LINGO2: variants seen among roughly 807,000 people sequenced by gnomAD.
LINGO2 encodes the protein leucine rich repeat and Ig domain containing 2.
LINGO2 carries 14 observed loss-of-function variants against 30.6 expected under a neutral mutation model. The ratio of observed to expected loss-of-function variants is 0.46; its 90% CI spans 0.30 to 0.72. The LOEUF (loss-of-function observed/expected upper bound fraction) is 0.72. LINGO2 is among the 30% of genes least tolerant of loss of function. The pLI is 0.07. For missense variants in LINGO2, 729 were observed against 751.7 expected (o/e 0.97, Z 0.35); for synonymous variants, 317 against 288.5 (o/e 1.10, Z -1.00).
intron 5 of LINGO2, among the ~76,000 whole-genome samples, chr9:27,984,104 C>T (rs1821013929): frequency 1.3e-5 from 2 of 151,816 alleles, no homozygotes; most frequent in Admixed American, 1.3e-4. Context: ...AACAGAAAAA[C>T]AAGATTTTAA....
At chr9:28,309,005 A>G (rs2134244242) in intron 3 of LINGO2, among the ~76,000 whole-genome samples, 1 of 152,224 alleles carries the variant, frequency 6.6e-6, no homozygotes, top group South Asian at 2.1e-4. Flanking sequence ...TAGTTCAACC[A>G]TTGTGGAAGT....
chr9:28,700,526 A>G, the LINGO2 span, among the ~76,000 whole-genome samples: 3 of 152,120 alleles, frequency 2.0e-5, no homozygotes, highest in South Asian at 6.2e-4. Flanking sequence ...TTAATTATCC[A>G]TCCATACACT....
chr9:28,131,093 T>C (rs890473914), intron 4 of LINGO2, among the ~76,000 whole-genome samples: 1 of 152,014 alleles, frequency 6.6e-6, no homozygotes, highest in African/African-American at 2.4e-5. Context: ...GTTTTTTCTC[T>C]GCTTTCAACT....
the LINGO2 span, among the ~76,000 whole-genome samples, chr9:29,162,817 A>T: frequency 2.0e-4 from 31 of 152,218 alleles, no homozygotes; most frequent in Admixed American, 2.0e-3. Context: ...AGAAAAAAAT[A>T]CTCCTACTAT....
intron 1 of LINGO2, among the ~76,000 whole-genome samples, chr9:28,598,428 AAAAAAAC>A (rs1461328909): frequency 7.1e-6 from 1 of 140,674 alleles, no homozygotes; most frequent in Non-Finnish European, 1.6e-5. Flanking sequence ...CAAAAAAAAA[AAAAAAAC>A]AAAACAAACA....
Position 28,165,065 on chromosome 9 carries a change from T to C in LINGO2, c.-87+130143A>G, listed in dbSNP as rs1292876761. On this transcript the variant is annotated intron_variant, in intron 4 of 5. Coordinates refer to ENST00000379992, the Ensembl canonical transcript of LINGO2. ...GGGCAATACCTACATTAGACTGTTCTTCCTGCCAATTAGTTTCTAAAACAA... is the reference window on the plus strand; with the variant it reads ...GGGCAATACCTACATTAGACTGTTCCTCCTGCCAATTAGTTTCTAAAACAA... Among the ~76,000 whole-genome samples, 3 of 152,198 alleles carry C rather than the reference T, an allele frequency of 2.0e-5. 1 individual carries two copies. Among genetic ancestry groups the C allele is most frequent in the Non-Finnish European group, 4.4e-5 (3 of 68,036 alleles).
the LINGO2 span, among the ~76,000 whole-genome samples, chr9:29,094,666 G>T: frequency 1.4e-5 from 2 of 138,502 alleles, 1 homozygote; most frequent in Non-Finnish European, 3.1e-5. Flanking sequence ...GATTTTAGTG[G>T]CTGACTATAG....
At chr9:28,122,675 T>C (rs937307297) in intron 4 of LINGO2, among the ~76,000 whole-genome samples, 2 of 152,262 alleles carry the variant, frequency 1.3e-5, no homozygotes, top group Admixed American at 1.3e-4. Context: ...AAGCAACCTA[T>C]CCCAGGATGA....
the LINGO2 span, among the ~76,000 whole-genome samples, chr9:28,758,764 C>T: frequency 6.6e-6 from 1 of 152,004 alleles, no homozygotes; most frequent in African/African-American, 2.4e-5. Context: ...TATTTATTCG[C>T]CATCCCAGAA....
intron 2 of LINGO2, among the ~76,000 whole-genome samples, chr9:28,466,534 C>A (rs1825309970): frequency 6.6e-6 from 1 of 151,936 alleles, no homozygotes; most frequent in African/African-American, 2.4e-5. Flanking sequence ...TATTTGATAG[C>A]ACATCAGTGT....
At chr9:28,874,473 G>C in the LINGO2 span, among the ~76,000 whole-genome samples, 1 of 151,938 alleles carries the variant, frequency 6.6e-6, no homozygotes, top group East Asian at 1.9e-4. Context: ...ATTATTTTTT[G>C]ATTTGTACTG....
chr9:28,948,054 A>G, the LINGO2 span, among the ~76,000 whole-genome samples: 1 of 151,998 alleles, frequency 6.6e-6, no homozygotes. Context: ...TTTACTTCCA[A>G]TCCAATTTGA....
intron 1 of LINGO2, among the ~76,000 whole-genome samples, chr9:28,593,768 G>C (rs1174137560): frequency 6.6e-6 from 1 of 152,034 alleles, no homozygotes; most frequent in Admixed American, 6.6e-5. Flanking sequence ...CCACTGCAAT[G>C]TGCTTTCACT....
chr9:29,196,628 A>G, the LINGO2 span, among the ~76,000 whole-genome samples: 1 of 152,086 alleles, frequency 6.6e-6, no homozygotes, highest in African/African-American at 2.4e-5. Context: ...GATCAGACTT[A>G]AACATGCAAA....
At chr9:29,056,025 T>C in the LINGO2 span, among the ~76,000 whole-genome samples, 4 of 151,266 alleles carry the variant, frequency 2.6e-5, no homozygotes, top group South Asian at 8.3e-4. Flanking sequence ...TCGATGGGCA[T>C]CTGAGCAGGT....
chr9:28,499,993 G>C (rs1819821106), intron 1 of LINGO2, among the ~76,000 whole-genome samples: 1 of 152,134 alleles, frequency 6.6e-6, no homozygotes, highest in Non-Finnish European at 1.5e-5. Context: ...GGTAAATTGT[G>C]ACACCAGAGA....
At chr9:28,649,698 G>GA (rs1012876380) in intron 1 of LINGO2, among the ~76,000 whole-genome samples, 8 of 152,026 alleles carry the variant, frequency 5.3e-5, no homozygotes, top group East Asian at 1.9e-4. Context: ...GATGTTGTGG[G>GA]AAAAAAATTG....
At chr9:29,195,065 C>G in the LINGO2 span, among the ~76,000 whole-genome samples, 1 of 138,740 alleles carries the variant, frequency 7.2e-6, no homozygotes, top group East Asian at 2.4e-4. Context: ...AAGCACTAAT[C>G]TTTTTTCCAT....
the LINGO2 span, among the ~76,000 whole-genome samples, chr9:28,995,243 T>C: frequency 5.3e-5 from 8 of 152,210 alleles, no homozygotes; most frequent in Admixed American, 5.2e-4. Context: ...AGAAGACATT[T>C]ATGCTGCCAA....
Sources: gnomAD v4.1 joint callset for allele counts (sites outside exome capture counted in the v4.1 genomes callset) on GRCh38, gnomAD v4.1.1 for gene constraint, MANE v1.5 for transcripts, NCBI Gene and HGNC (gene_info 2026-07-23, HGNC 2026-07-21) for gene names.